The following PPEF1 variants were observed in gnomAD, a reference collection of about 807,000 sequenced individuals.
The protein encoded by PPEF1 is protein phosphatase with EF-hand domain 1.
Under a neutral mutation model 53.3 loss-of-function variants are expected in PPEF1, and 12 were observed. That is an observed-to-expected ratio of 0.23 (90% CI 0.14 to 0.36). The LOEUF (loss-of-function observed/expected upper bound fraction) is 0.36. Among genes scored for constraint, PPEF1 ranks in the 10% least tolerant of loss-of-function variants. PPEF1 has a pLI of 1.00. For missense variants in PPEF1, 334 were observed against 490.4 expected, an observed-to-expected ratio of 0.68 and a Z score of 3.01; for synonymous variants, 165 against 176.7, an observed-to-expected ratio of 0.93 and a Z score of 0.52.
At chrX:18,675,710 C>G (rs1928646544), upstream of PPEF1, among the ~76,000 whole-genome samples, 1 of 112,202 alleles carries the variant, frequency 8.9e-6, no homozygotes, top group African/African-American at 3.2e-5. Context: ...AGATGCCAGG[C>G]CCCTTGTTAA....
chrX:18,747,953 T>C (rs2045364015), intron 3 of PPEF1, among the ~76,000 whole-genome samples: 1 of 111,844 alleles, frequency 8.9e-6, no homozygotes, highest in African/African-American at 3.3e-5. Flanking sequence ...AAGTTTTCAT[T>C]TGAAGCAAGA....
chrX:18,694,224 C>A (rs1392203619), intron 4 of PPEF1, among the ~76,000 whole-genome samples: 1 of 111,658 alleles, frequency 9.0e-6, no homozygotes, highest in East Asian at 2.8e-4. Context: ...AAGCTGTTTT[C>A]AATGTTTGAC....
intron 1 of PPEF1, among the ~76,000 whole-genome samples, chrX:18,676,434 G>A (rs771087737): frequency 9.2e-6 from 1 of 108,502 alleles, no homozygotes; most frequent in Admixed American, 9.8e-5. Flanking sequence ...GTTTCCCGAT[G>A]TCCTCAGTTA....
intron 9 of PPEF1, among the ~76,000 whole-genome samples, chrX:18,788,132 C>A (rs919900700): frequency 9.1e-6 from 1 of 110,069 alleles, no homozygotes; most frequent in Non-Finnish European, 1.9e-5. Context: ...CTGGCTAACA[C>A]GGTGACACCC....
chrX:18,803,386 A>C (rs2046587608), intron 10 of PPEF1, among the ~76,000 whole-genome samples: 1 of 112,702 alleles, frequency 8.9e-6, no homozygotes, highest in African/African-American at 3.2e-5. Context: ...CATCATGAAC[A>C]TGTCACAGTG....
intron 1 of PPEF1, among the ~76,000 whole-genome samples, chrX:18,683,229 T>A (rs779755227): frequency 9.0e-6 from 1 of 111,706 alleles, no homozygotes; most frequent in African/African-American, 3.3e-5. Flanking sequence ...TTTCCCTGTC[T>A]GCTGGGGAGC....
Position 18,789,154 on chromosome X carries a change from A to G in PPEF1, c.946A>G (p.Asn316Asp), listed in dbSNP as rs751835769. 11 of 1,210,453 alleles carry G rather than the reference A, an allele frequency of 9.1e-6. No homozygotes were observed. The East Asian group carries it at 3.0e-4, about 33-fold the overall frequency. ...KSVLIPPTET[N>D]RDHDTDSKHN... ...TGTGCTGATACCACCAACGGAAACA[A>G]ACAGAGACCATGACACTGACTCGAA... Residue 316 changes from asparagine (N) to aspartate (D), a missense_variant, in exon 10 of 16, where the codon AAC becomes GAC. Asn to Asp is a conservative substitution (Grantham distance 23). Coordinates refer to ENST00000470157, the MANE Select transcript of PPEF1 (RefSeq NM_001377996.1).
intron 15 of PPEF1, 139 bp from the exon 16 acceptor site, chrX:18,827,137 C>T: frequency 2.1e-6 from 1 of 477,773 alleles, no homozygotes; most frequent in African/African-American, 2.4e-5. Context: ...TCTTACTCTT[C>T]CATATCCTTC....
intron 9 of PPEF1, among the ~76,000 whole-genome samples, chrX:18,788,040 GGT>G (rs2046243800): frequency 7.1e-5 from 8 of 112,011 alleles, no homozygotes; most frequent in South Asian, 3.7e-4. Flanking sequence ...TGCTTGGCCG[GGT>G]GCAGTGGCTC....
intron 3 of PPEF1, among the ~76,000 whole-genome samples, chrX:18,734,341 A>G: frequency 1.1e-5 from 1 of 91,976 alleles, no homozygotes; most frequent in Non-Finnish European, 2.0e-5. Flanking sequence ...AAGTGTTCTC[A>G]TTGTTCAATT....
intron 3 of PPEF1, among the ~76,000 whole-genome samples, chrX:18,740,072 C>T (rs2045109820): frequency 8.9e-6 from 1 of 112,552 alleles, no homozygotes; most frequent in Non-Finnish European, 1.9e-5. Flanking sequence ...TCCCCGACCC[C>T]TTGCCCTTCC....
At chrX:18,733,703 T>C (rs1465225294) in intron 2 of PPEF1, 45 bp from the exon 3 acceptor site, 1 of 1,034,601 alleles carries the variant, frequency 9.7e-7, no homozygotes, top group South Asian at 2.1e-5. Context: ...TCACAGTAGC[T>C]GTTTGGGGTT....
At chrX:18,824,430 A>C (rs1483196202) in intron 14 of PPEF1, among the ~76,000 whole-genome samples, 5 of 109,868 alleles carry the variant, frequency 4.6e-5, no homozygotes, top group Non-Finnish European at 9.5e-5. Flanking sequence ...ACAGAGCGAG[A>C]CTCCATCTCA....
At chrX:18,775,586 G>GTT (rs1381105995) in intron 6 of PPEF1, among the ~76,000 whole-genome samples, 1 of 112,037 alleles carries the variant, frequency 8.9e-6, no homozygotes, top group Non-Finnish European at 1.9e-5. Flanking sequence ...ATAAGTTTTT[G>GTT]TTCTTTCTTG....
chrX:18,724,475 A>G (rs1369831404), intron 1 of PPEF1, among the ~76,000 whole-genome samples: 2 of 112,139 alleles, frequency 1.8e-5, no homozygotes, highest in Non-Finnish European at 3.8e-5. Context: ...ATTAAAACAA[A>G]ACAAAAAACC....
intron 1 of PPEF1, among the ~76,000 whole-genome samples, chrX:18,711,551 A>G (rs774091304): frequency 1.8e-5 from 2 of 111,802 alleles, no homozygotes; most frequent in African/African-American, 3.3e-5. Flanking sequence ...GGTGTGAGGT[A>G]GGAGTACAAA....
chrX:18,691,682 A>G (rs1569240275), intron 4 of PPEF1: 2 of 112,350 alleles, frequency 1.8e-5, no homozygotes, highest in Non-Finnish European at 3.8e-5. Flanking sequence ...TCTGAGATAC[A>G]TGTAAAACGT....
At chrX:18,709,979 A>G (rs192498221) in intron 1 of PPEF1, among the ~76,000 whole-genome samples, 100 of 112,053 alleles carry the variant, frequency 8.9e-4, no homozygotes, top group African/African-American at 2.9e-3. Context: ...CCAGCAGTGT[A>G]TAAAGGTTTC....
chrX:18,695,258 T>G (rs1253456178), intron 4 of PPEF1, among the ~76,000 whole-genome samples: 1 of 112,877 alleles, frequency 8.9e-6, no homozygotes, highest in African/African-American at 3.2e-5. Context: ...CCACTTGGGC[T>G]TCTCCCACAT....
Sources: gnomAD v4.1 joint callset for allele counts (sites outside exome capture counted in the v4.1 genomes callset) on GRCh38, gnomAD v4.1.1 for gene constraint, MANE v1.5 for transcripts, NCBI Gene and HGNC (gene_info 2026-07-23, HGNC 2026-07-21) for gene names.